C1QTNF3: variants seen among roughly 807,000 people sequenced by gnomAD.
C1QTNF3 encodes the protein C1q and TNF related 3.
In C1QTNF3, 26 loss-of-function variants were observed where a neutral mutation model predicts 32.6. The observed-to-expected ratio is 0.80, with a 90% confidence interval of 0.58 to 1.11. C1QTNF3 has a LOEUF of 1.11. Among genes scored for constraint, C1QTNF3 ranks in the 50% least tolerant of loss-of-function variants. C1QTNF3 has a pLI of 0.00. For synonymous variants in C1QTNF3, 155 were observed against 146.0 expected (o/e 1.06, Z -0.44); for missense variants, 362 against 398.2 (o/e 0.91, Z 0.77).
the C1QTNF3 span, among the ~76,000 whole-genome samples, chr5:34,172,025 A>G: frequency 6.6e-6 from 1 of 152,180 alleles, no homozygotes. Context: ...ATGTTATAAT[A>G]AAATTAATAA....
the C1QTNF3 span, among the ~76,000 whole-genome samples, chr5:34,080,253 T>G: frequency 3.3e-5 from 5 of 151,844 alleles, no homozygotes; most frequent in Admixed American, 1.3e-4. Context: ...CATGCACAAT[T>G]ATCTGTGCAA....
the C1QTNF3 span, among the ~76,000 whole-genome samples, chr5:34,221,554 A>G: frequency 2.6e-5 from 4 of 152,064 alleles, no homozygotes; most frequent in South Asian, 8.3e-4. Context: ...TCAATGTTAC[A>G]TGTGACATCT....
the C1QTNF3 span, among the ~76,000 whole-genome samples, chr5:34,160,354 T>C: frequency 1.3e-5 from 2 of 152,354 alleles, no homozygotes; most frequent in African/African-American, 4.8e-5. Context: ...CAAATGAACA[T>C]ACCTGGATGA....
chr5:34,158,573 A>C, the C1QTNF3 span: 1 of 152,192 alleles, frequency 6.6e-6, no homozygotes, highest in Non-Finnish European at 1.5e-5. Flanking sequence ...TTTATGCATA[A>C]ATTTACATCT....
At chr5:34,213,806 TATA>T in the C1QTNF3 span, among the ~76,000 whole-genome samples, 212 of 3,792 alleles carry the variant, frequency 0.056, 7 homozygotes, top group East Asian at 0.29. Context: ...TATATATATA[TATA>T]TTTTTTTTTT....
chr5:34,045,015 G>A (rs879445712), upstream of C1QTNF3, among the ~76,000 whole-genome samples: 2 of 152,196 alleles, frequency 1.3e-5, no homozygotes, highest in Admixed American at 1.3e-4. Flanking sequence ...TTTGCTGTGG[G>A]AAGGAAAGCC....
At chr5:34,024,166 A>G in intron 4 of C1QTNF3, 158 bp from the exon 5 acceptor site, 2 of 611,548 alleles carry the variant, frequency 3.3e-6, no homozygotes, top group Non-Finnish European at 5.9e-6. Context: ...GAATGTCCCT[A>G]TATCTACTCC....
chr5:34,155,240 A>G, the C1QTNF3 span, among the ~76,000 whole-genome samples: 9 of 152,220 alleles, frequency 5.9e-5, no homozygotes, highest in Admixed American at 2.0e-4. Flanking sequence ...TGTACACAGC[A>G]TAAAGGGACA....
chr5:34,143,627 A>G, the C1QTNF3 span, among the ~76,000 whole-genome samples: 2 of 152,236 alleles, frequency 1.3e-5, no homozygotes, highest in Non-Finnish European at 2.9e-5. Flanking sequence ...GATTGGGCTT[A>G]GTTTCAGCAA....
At chr5:34,210,362 C>T in the C1QTNF3 span, among the ~76,000 whole-genome samples, 1 of 151,956 alleles carries the variant, frequency 6.6e-6, no homozygotes, top group Non-Finnish European at 1.5e-5. Flanking sequence ...AGAAGGAGTA[C>T]GGTTTGACCT....
chr5:34,034,042 C>A (rs188468458), intron 2 of C1QTNF3, among the ~76,000 whole-genome samples: 2 of 152,222 alleles, frequency 1.3e-5, no homozygotes, highest in Admixed American at 6.5e-5. Context: ...TGGTGCACAC[C>A]TGTAGTCCCA....
the C1QTNF3 span, among the ~76,000 whole-genome samples, chr5:34,154,159 A>G: frequency 1.3e-5 from 2 of 152,120 alleles, no homozygotes; most frequent in Non-Finnish European, 2.9e-5. Context: ...ATTTATTGTG[A>G]AGTAGTAGTA....
At chr5:34,056,942 C>A in the C1QTNF3 span, among the ~76,000 whole-genome samples, 1 of 152,130 alleles carries the variant, frequency 6.6e-6, no homozygotes, top group Non-Finnish European at 1.5e-5. Context: ...CCTACTAATG[C>A]CATCAGCAGA....
the C1QTNF3 span, among the ~76,000 whole-genome samples, chr5:34,159,000 TAC>T: frequency 6.6e-6 from 1 of 152,156 alleles, no homozygotes; most frequent in East Asian, 1.9e-4. Flanking sequence ...ATGTAACACA[TAC>T]ATAGTGTATA....
At chr5:34,062,469 C>T in the C1QTNF3 span, among the ~76,000 whole-genome samples, 1 of 152,130 alleles carries the variant, frequency 6.6e-6, no homozygotes, top group Admixed American at 6.5e-5. Context: ...TCCTATGTGC[C>T]TTTTTCCTAT....
At chr5:34,153,853 TAAAAAAA>T in the C1QTNF3 span, among the ~76,000 whole-genome samples, 56 of 32,934 alleles carry the variant, frequency 1.7e-3, no homozygotes, top group South Asian at 3.5e-3. Flanking sequence ...ACTTAGAGTA[TAAAAAAA>T]AAAAAAAAAA....
chr5:34,231,141 G>A, the C1QTNF3 span, among the ~76,000 whole-genome samples: 3 of 152,150 alleles, frequency 2.0e-5, no homozygotes, highest in South Asian at 2.1e-4. Flanking sequence ...TCTTGGCACA[G>A]GGTTTCAATA....
the C1QTNF3 span, among the ~76,000 whole-genome samples, chr5:34,094,394 C>T: frequency 6.6e-6 from 1 of 152,038 alleles, no homozygotes; most frequent in South Asian, 2.1e-4. Context: ...GAAAGATAAA[C>T]TGAATAGAAT....
the C1QTNF3 span, among the ~76,000 whole-genome samples, chr5:34,201,462 T>C: frequency 6.6e-6 from 1 of 152,108 alleles, no homozygotes; most frequent in African/African-American, 2.4e-5. Flanking sequence ...TACCATTTGC[T>C]TCTAGGCTCG....
Sources: allele counts gnomAD v4.1 joint callset (sites outside exome capture counted in the v4.1 genomes callset), GRCh38; gene constraint gnomAD v4.1.1; transcripts MANE v1.5; gene names NCBI Gene and HGNC (gene_info 2026-07-23, HGNC 2026-07-21).